TCF12: variants seen among roughly 807,000 people sequenced by gnomAD.
The protein encoded by TCF12 is transcription factor 12.
A neutral mutation model predicts 86.0 loss-of-function variants in TCF12; 45 were observed. That is an observed-to-expected ratio of 0.52 (90% confidence interval 0.41 to 0.67). The LOEUF is 0.67. TCF12 is among the 30% of genes least tolerant of loss of function. The pLI is 0.00. For missense variants in TCF12, 881 were observed against 859.9 expected, an observed-to-expected ratio of 1.02 and a Z score of -0.31; for synonymous variants, 330 against 299.6, an observed-to-expected ratio of 1.10 and a Z score of -1.05.
chr15:57,189,826 CA>C lies in TCF12; in HGVS notation c.391-2330del, dbSNP rs558882746. Among the ~76,000 whole-genome samples, 323 of 123,972 alleles carry C rather than the reference CA, an allele frequency of 2.6e-3. 5 individuals are homozygous for C. The South Asian group carries it at 0.043, about 16-fold the overall frequency. The allele number at this position is 123,972 out of a possible 152,430, so 81.3% of individuals were successfully genotyped here. On this transcript the variant is annotated intron_variant, in intron 6 of 20. Coordinates refer to ENST00000333725, the MANE Select transcript of TCF12 (RefSeq NM_207037.2). ...ATTCACAGTAGTTAAAAGCTGGAAACAACTAAAATGTCCATCAGTGGGTGAA... is the reference window on the plus strand; with the variant it reads ...ATTCACAGTAGTTAAAAGCTGGAAACACTAAAATGTCCATCAGTGGGTGAA...
chr15:57,079,958 T>C (rs1188399376), intron 4 of TCF12, among the ~76,000 whole-genome samples: 1 of 152,194 alleles, frequency 6.6e-6, no homozygotes, highest in Non-Finnish European at 1.5e-5. Flanking sequence ...TTAAGGAGAC[T>C]TAAAGATCAT....
At chr15:57,211,388 G>T (rs2058094619) in intron 8 of TCF12, among the ~76,000 whole-genome samples, 1 of 151,946 alleles carries the variant, frequency 6.6e-6, no homozygotes, top group Non-Finnish European at 1.5e-5. Context: ...AACAAAGTGA[G>T]ACCTTGTGTC....
At chr15:56,947,826 C>T (rs1348826755) in intron 3 of TCF12, among the ~76,000 whole-genome samples, 2 of 152,252 alleles carry the variant, frequency 1.3e-5, no homozygotes, top group East Asian at 3.9e-4. Flanking sequence ...TATATCTGGT[C>T]AGGTATTACA....
At chr15:57,116,811 A>G (rs2050870602) in intron 5 of TCF12, among the ~76,000 whole-genome samples, 1 of 152,178 alleles carries the variant, frequency 6.6e-6, no homozygotes, top group South Asian at 2.1e-4. Flanking sequence ...TTTTCTCTAT[A>G]TAATTTAATA....
chr15:57,026,512 G>A (rs1383389976), intron 3 of TCF12, among the ~76,000 whole-genome samples: 2 of 152,072 alleles, frequency 1.3e-5, no homozygotes, highest in African/African-American at 4.8e-5. Context: ...TCCACAAATT[G>A]TCTGTGCTTC....
At position 57,079,669 on chromosome 15, in the gene TCF12, TC is replaced by T. The variant is rs576228263; in HGVS notation, c.223-12118del. On this transcript the variant is annotated intron_variant, in intron 4 of 20. Transcript: ENST00000333725. ...TGAATGAGTAGCCCCTGGCGGTTGT[TC>T]CTCAGCCTTGTTCTCTAACGTGGTT... Among the ~76,000 whole-genome samples, 604 of 152,304 alleles carry T rather than the reference TC, an allele frequency of 4.0e-3. 3 individuals are homozygous for T. The highest frequency in any genetic ancestry group is 6.6e-3 in the Non-Finnish European group (451 of 68,024).
At chr15:57,242,490 C>T (rs1401641585) in intron 12 of TCF12, among the ~76,000 whole-genome samples, 1 of 152,084 alleles carries the variant, frequency 6.6e-6, no homozygotes, top group African/African-American at 2.4e-5. Flanking sequence ...ACCTGACCAA[C>T]ATGACAAAAA....
chr15:56,975,290 CTGTAGCTGACAAAA>C (rs1183132079), intron 3 of TCF12, among the ~76,000 whole-genome samples: 10 of 152,224 alleles, frequency 6.6e-5, no homozygotes, highest in Admixed American at 3.9e-4. Flanking sequence ...ATGCTTTTAT[CTGTAGCTGACAAAA>C]TGTAGTCTAA....
chr15:57,059,975 G>A (rs116592064), intron 3 of TCF12, among the ~76,000 whole-genome samples: 4,427 of 152,110 alleles, frequency 0.029, 184 homozygotes, highest in African/African-American at 0.089. Flanking sequence ...TACTAAGATG[G>A]GAGTAGAGCA....
chr15:57,189,773 C>G (rs993159239), intron 6 of TCF12, among the ~76,000 whole-genome samples: 1 of 152,150 alleles, frequency 6.6e-6, no homozygotes, highest in East Asian at 1.9e-4. Flanking sequence ...TACTCAAATA[C>G]TTGTACATGA....
At chr15:57,217,023 A>G (rs2058360164) in intron 8 of TCF12, among the ~76,000 whole-genome samples, 1 of 152,096 alleles carries the variant, frequency 6.6e-6, no homozygotes, top group African/African-American at 2.4e-5. Context: ...AAGTTTTTAT[A>G]TCTATGCTCA....
At chr15:56,985,184 A>G (rs192664532) in intron 3 of TCF12, among the ~76,000 whole-genome samples, 6 of 152,280 alleles carry the variant, frequency 3.9e-5, no homozygotes, top group African/African-American at 9.6e-5. Flanking sequence ...TTTTTCTCCA[A>G]TCCCGTGTTC....
intron 5 of TCF12, among the ~76,000 whole-genome samples, chr15:57,154,879 T>C (rs1412970855): frequency 6.6e-6 from 1 of 152,208 alleles, no homozygotes; most frequent in Non-Finnish European, 1.5e-5. Context: ...TTGTATAATA[T>C]AGTCAAATGT....
At chr15:57,002,373 C>T (rs1350257327) in intron 3 of TCF12, among the ~76,000 whole-genome samples, 5 of 152,202 alleles carry the variant, frequency 3.3e-5, no homozygotes, top group African/African-American at 7.2e-5. Context: ...CCTCCCTAGG[C>T]GAGTGCCCTT....
At chr15:57,037,872 A>G (rs16977206) in intron 3 of TCF12, among the ~76,000 whole-genome samples, 2,090 of 152,320 alleles carry the variant, frequency 0.014, 57 homozygotes, top group African/African-American at 0.044. Flanking sequence ...TGCTAGTGCT[A>G]AAACACATAC....
At chr15:57,078,005 T>C (rs1301029305) in intron 4 of TCF12, among the ~76,000 whole-genome samples, 2 of 152,198 alleles carry the variant, frequency 1.3e-5, no homozygotes, top group African/African-American at 4.8e-5. Context: ...TTAAATTAAC[T>C]GACACAATGC....
intron 5 of TCF12, among the ~76,000 whole-genome samples, chr15:57,154,394 T>G (rs1442517710): frequency 6.6e-6 from 1 of 152,126 alleles, no homozygotes; most frequent in East Asian, 1.9e-4. Context: ...GTTACTAAAC[T>G]TGGGACCATC....
intron 8 of TCF12, among the ~76,000 whole-genome samples, chr15:57,202,665 G>A (rs1387906743): frequency 6.6e-6 from 1 of 150,734 alleles, no homozygotes; most frequent in Non-Finnish European, 1.5e-5. Context: ...TCGATCTCCC[G>A]ACCTCCTGAT....
intron 16 of TCF12, among the ~76,000 whole-genome samples, chr15:57,253,717 G>A (rs1196040750): frequency 6.6e-6 from 1 of 152,182 alleles, no homozygotes; most frequent in African/African-American, 2.4e-5. Flanking sequence ...TTTTTTTCCA[G>A]ATGTGTAATA....
Sources: gnomAD v4.1 joint callset for allele counts (sites outside exome capture counted in the v4.1 genomes callset) on GRCh38, gnomAD v4.1.1 for gene constraint, MANE v1.5 for transcripts, NCBI Gene and HGNC (gene_info 2026-07-23, HGNC 2026-07-21) for gene names.